GPHN: variants seen among roughly 807,000 people sequenced by gnomAD.
GPHN encodes the protein gephyrin.
GPHN carries 17 observed loss-of-function variants against 95.5 expected under a neutral mutation model. The observed-to-expected ratio is 0.18, with a 90% CI of 0.12 to 0.27. GPHN has a LOEUF of 0.27. Among genes scored for constraint, GPHN ranks in the 10% least tolerant of loss-of-function variants. The probability of loss-of-function intolerance (pLI) is 1.00; values close to 1 mark genes in which losing one functional copy is unlikely to be tolerated. For synonymous variants in GPHN, 320 were observed against 322.5 expected (o/e 0.99, Z 0.08); for missense variants, 660 against 978.1 (o/e 0.67, Z 4.34).
At chr14:66,665,166 C>T (rs951025650) in intron 1 of GPHN, among the ~76,000 whole-genome samples, 3 of 152,070 alleles carry the variant, frequency 2.0e-5, no homozygotes, top group Non-Finnish European at 4.4e-5. Context: ...CAAAACTTTG[C>T]AGAGATACAA....
intron 11 of GPHN, among the ~76,000 whole-genome samples, chr14:67,071,793 A>G (rs577199389): frequency 1.5e-3 from 228 of 152,174 alleles, no homozygotes; most frequent in African/African-American, 5.2e-3. Context: ...AAAAAAAATA[A>G]AGTATATTAT....
At chr14:67,349,168 T>A in the GPHN span, 1 of 1,474,170 alleles carries the variant, frequency 6.8e-7, no homozygotes, top group Non-Finnish European at 9.4e-7. Flanking sequence ...AGGGACCCAC[T>A]GGATAGTTTT....
intron 2 of GPHN, among the ~76,000 whole-genome samples, chr14:66,759,167 G>A (rs917410816): frequency 3.9e-5 from 6 of 152,282 alleles, no homozygotes; most frequent in Middle Eastern, 6.8e-3. Context: ...TCTTAAAGCC[G>A]AGCCCAGCCA....
intron 2 of GPHN, among the ~76,000 whole-genome samples, chr14:66,719,718 A>C (rs1238408876): frequency 6.6e-6 from 1 of 152,176 alleles, no homozygotes; most frequent in Non-Finnish European, 1.5e-5. Context: ...TTCCCATGTC[A>C]TGGTGAAGAG....
intron 2 of GPHN, among the ~76,000 whole-genome samples, chr14:66,766,199 G>T (rs1160333270): frequency 1.3e-5 from 2 of 152,166 alleles, no homozygotes; most frequent in Non-Finnish European, 2.9e-5. Context: ...CAGCTCTTAA[G>T]ATGCATATGT....
At chr14:67,221,774 T>C in the GPHN span, 22 of 1,613,234 alleles carry the variant, frequency 1.4e-5, no homozygotes, top group South Asian at 2.1e-4. Context: ...TATTTATTTT[T>C]ACAGGAGCTT....
intron 17 of GPHN, among the ~76,000 whole-genome samples, chr14:67,138,536 C>T (rs1162220476): frequency 6.6e-6 from 1 of 152,118 alleles, no homozygotes; most frequent in East Asian, 1.9e-4. Flanking sequence ...AGAAAGAAAA[C>T]TCAGTTTTTA....
At chr14:67,154,042 T>G (rs1404167248) in intron 18 of GPHN, among the ~76,000 whole-genome samples, 1 of 152,236 alleles carries the variant, frequency 6.6e-6, no homozygotes, top group African/African-American at 2.4e-5. Flanking sequence ...TTAGCAAATA[T>G]ATAAGCATCT....
At chr14:67,562,404 A>T in the GPHN span, 1 of 1,613,866 alleles carries the variant, frequency 6.2e-7, no homozygotes, top group East Asian at 2.2e-5. Context: ...CTTCAACCTC[A>T]TCTGGGAAGA....
At chr14:67,695,678 A>G in the GPHN span, 1 of 1,614,218 alleles carries the variant, frequency 6.2e-7, no homozygotes, top group Non-Finnish European at 8.5e-7. Context: ...AAGGAGGAGC[A>G]ACAGCGGGAA....
the GPHN span, among the ~76,000 whole-genome samples, chr14:67,556,522 T>TCAA: frequency 1.3e-5 from 2 of 152,100 alleles, no homozygotes; most frequent in African/African-American, 2.4e-5. Flanking sequence ...TAAGCAGTCC[T>TCAA]CCTGCCTCAA....
At chr14:66,829,639 A>C (rs771795495) in intron 4 of GPHN, among the ~76,000 whole-genome samples, 4 of 152,234 alleles carry the variant, frequency 2.6e-5, no homozygotes, top group Non-Finnish European at 5.9e-5. Context: ...AATAACTTTC[A>C]GTACTTTTAG....
chr14:67,293,650 C>A, the GPHN span, among the ~76,000 whole-genome samples: 1 of 152,142 alleles, frequency 6.6e-6, no homozygotes, highest in Non-Finnish European at 1.5e-5. Flanking sequence ...TGATCTTATA[C>A]TATTCACACA....
the GPHN span, among the ~76,000 whole-genome samples, chr14:67,315,878 T>C: frequency 6.6e-6 from 1 of 152,224 alleles, no homozygotes; most frequent in Non-Finnish European, 1.5e-5. Context: ...TGAGCCAAGA[T>C]TGCGCCACTG....
chr14:67,574,233 CCTCCACAGCTCAT>C, the GPHN span: 1 of 1,585,354 alleles, frequency 6.3e-7, no homozygotes, highest in Non-Finnish European at 8.6e-7. The surrounding 1 kb of genome is among the most constrained non-coding windows in gnomAD (Gnocchi z 4.2). Flanking sequence ...CATATCTCGC[CCTCCACAGCTCAT>C]CTCTGAGAAG....
the GPHN span, among the ~76,000 whole-genome samples, chr14:67,326,197 T>G: frequency 1.4e-5 from 2 of 139,858 alleles, no homozygotes; most frequent in Admixed American, 7.4e-5. Flanking sequence ...GAATTGGCCA[T>G]CCTAAAATTT....
At chr14:67,661,437 C>A in the GPHN span, among the ~76,000 whole-genome samples, 1 of 151,646 alleles carries the variant, frequency 6.6e-6, no homozygotes, top group East Asian at 1.9e-4. Context: ...AACTCCAGCT[C>A]CTATGTTGTC....
At chr14:67,320,870 CATTTTT>C in the GPHN span, among the ~76,000 whole-genome samples, 1 of 152,126 alleles carries the variant, frequency 6.6e-6, no homozygotes, top group Non-Finnish European at 1.5e-5. Flanking sequence ...ACTACAAACT[CATTTTT>C]GTTCATTTTT....
intron 10 of GPHN, among the ~76,000 whole-genome samples, chr14:67,057,412 G>GT (rs1256328144): frequency 1.5e-5 from 2 of 131,336 alleles, no homozygotes; most frequent in South Asian, 2.3e-4. Context: ...GCACATGGGT[G>GT]GGGGGGGCAA....
Sources: allele counts gnomAD v4.1 joint callset (sites outside exome capture counted in the v4.1 genomes callset), GRCh38; gene constraint gnomAD v4.1.1; non-coding constraint Gnocchi (gnomAD v3.1); transcripts MANE v1.5; gene names NCBI Gene and HGNC (gene_info 2026-07-23, HGNC 2026-07-21).